Variants in BRF1 observed in about 807,000 individuals in gnomAD.
The protein encoded by BRF1 is transcription factor IIIB 90 kDa subunit.
A neutral mutation model predicts 81.7 loss-of-function variants in BRF1; 59 were observed. The ratio of observed to expected loss-of-function variants is 0.72; its 90% CI spans 0.59 to 0.90. BRF1 has a LOEUF of 0.90. BRF1 is among the 40% of genes least tolerant of loss of function. The pLI, the probability that BRF1 is intolerant of heterozygous loss-of-function variation, is 0.00. For missense variants in BRF1, 1,050 were observed against 936.3 expected, an observed-to-expected ratio of 1.12 and a Z score of -1.58; for synonymous variants, 491 against 395.6, an observed-to-expected ratio of 1.24 and a Z score of -2.86.
intron 5 of BRF1, chr14:105,242,183 AG>A (rs1489511829): frequency 3.3e-5 from 5 of 152,324 alleles, no homozygotes; most frequent in African/African-American, 1.2e-4. Context: ...TAAATGCTTG[AG>A]GTGAAAGATG....
chr14:105,249,504 C>T (rs1315023064), intron 5 of BRF1: 1 of 905,268 alleles, frequency 1.1e-6, no homozygotes, highest in Admixed American at 2.0e-5. Context: ...TGGGGAGGGA[C>T]GGGTGGGTCC....
intron 3 of BRF1, among the ~76,000 whole-genome samples, chr14:105,263,213 G>A (rs1369466347): frequency 2.1e-5 from 3 of 144,614 alleles, no homozygotes; most frequent in Non-Finnish European, 4.5e-5. Context: ...CTCCAGCCTG[G>A]GCAACAGAGT....
chr14:105,270,856 C>A (rs975449442), intron 3 of BRF1, among the ~76,000 whole-genome samples: 2 of 151,930 alleles, frequency 1.3e-5, no homozygotes, highest in African/African-American at 4.8e-5. Context: ...TGGCCAGAGG[C>A]ACCGTCAGCA....
chr14:105,220,138 G>T lies in BRF1; in HGVS notation c.1316-8C>A. 3.7e-6 allele frequency: 6 copies of T among 1,613,328 alleles called. No individual in the cohort carries two copies. The highest frequency in any genetic ancestry group is 4.2e-6 in the Non-Finnish European group (5 of 1,180,008). On this transcript the variant is annotated splice_region_variant and splice_polypyrimidine_tract_variant and intron_variant, in intron 11 of 17. Transcript: ENST00000547530. ...CGTCTCCTGAAGCATCTTCTGGAGGGAAGCACAGCATCCGCGTCACTCAGG... is the reference window on the plus strand; with the variant it reads ...CGTCTCCTGAAGCATCTTCTGGAGGTAAGCACAGCATCCGCGTCACTCAGG...
chr14:105,295,760 G>A (rs1384487682), intron 1 of BRF1, among the ~76,000 whole-genome samples: 1 of 151,662 alleles, frequency 6.6e-6, no homozygotes, highest in Non-Finnish European at 1.5e-5. Context: ...CTCCAGTCTG[G>A]GCAACAGTGA....
At chr14:105,248,894 C>T (rs1445080735) in intron 5 of BRF1, 1 of 987,914 alleles carries the variant, frequency 1.0e-6, no homozygotes. Context: ...TCTACGCTCC[C>T]GCCAGCGCCG....
Position 105,211,182 on chromosome 14 carries a change from C to A in BRF1, c.1936G>T (p.Glu646Ter). ...GGCTCCCCGTCCTCCTCGTCAGGCT[C>A]CTCCTCGTCAGCCTCCTCGTCGGCG... ...YHADEEADEE[E>*]PDEEDGEPCV... Residue 646 changes from glutamate to a stop codon, truncating the protein, a stop_gained, in exon 17 of 18, where the codon GAG becomes TAG. Transcript: ENST00000547530. LOFTEE classifies it high-confidence loss of function. 4 of 1,612,174 alleles carry A rather than the reference C, an allele frequency of 2.5e-6. No individual in the cohort carries two copies. Among genetic ancestry groups the A allele is most frequent in the Non-Finnish European group, 3.4e-6 (4 of 1,179,672 alleles).
chr14:105,223,423 T>C (rs61996215), intron 10 of BRF1, among the ~76,000 whole-genome samples: 3 of 136,682 alleles, frequency 2.2e-5, no homozygotes, highest in Non-Finnish European at 4.6e-5. Flanking sequence ...GAACAAACCA[T>C]TGATGCGTGA....
chr14:105,287,163 C>T (rs950081846), intron 1 of BRF1, among the ~76,000 whole-genome samples: 1 of 152,234 alleles, frequency 6.6e-6, no homozygotes, highest in Non-Finnish European at 1.5e-5. Context: ...CTACGACGTC[C>T]ACCACATTCT....
intron 14 of BRF1, among the ~76,000 whole-genome samples, chr14:105,218,719 G>A (rs925798609): frequency 2.0e-5 from 3 of 152,196 alleles, no homozygotes; most frequent in African/African-American, 4.8e-5. Flanking sequence ...GTCCAGCCCC[G>A]AGTCTCGACA....
At chr14:105,308,007 A>AT (rs1302063582) in intron 1 of BRF1, among the ~76,000 whole-genome samples, 1 of 151,614 alleles carries the variant, frequency 6.6e-6, no homozygotes, top group Non-Finnish European at 1.5e-5. Context: ...ACAAAGTGAG[A>AT]TCCCTGTCTC....
At chr14:105,268,030 T>G (rs2056499347) in intron 3 of BRF1, among the ~76,000 whole-genome samples, 1 of 151,994 alleles carries the variant, frequency 6.6e-6, no homozygotes, top group Admixed American at 6.5e-5. Context: ...CAGACCTACG[T>G]GGGGACAGGT....
chr14:105,258,667 C>T (rs1948027328), intron 3 of BRF1, among the ~76,000 whole-genome samples: 1 of 151,820 alleles, frequency 6.6e-6, no homozygotes, highest in African/African-American at 2.4e-5. Flanking sequence ...GGGGTGGTGG[C>T]GGGCACCTGT....
intron 1 of BRF1, among the ~76,000 whole-genome samples, chr14:105,297,789 G>A (rs1359680297): frequency 6.6e-6 from 1 of 152,002 alleles, no homozygotes; most frequent in African/African-American, 2.4e-5. Context: ...GAGGTCAGGA[G>A]ATCGAAACCA....
intron 2 of BRF1, among the ~76,000 whole-genome samples, chr14:105,281,215 T>C (rs1207133702): frequency 3.4e-4 from 42 of 124,066 alleles, no homozygotes; most frequent in Middle Eastern, 8.3e-3. Context: ...GGTGTGTGGA[T>C]ACAGCCTGCG....
Position 105,226,786 on chromosome 14 carries a change from T to G in BRF1, c.789-26A>C, listed in dbSNP as rs143740071. The G allele has an allele frequency of 1.1e-4, 180 of 1,612,832 alleles. No individual in the cohort carries two copies. In the African/African-American group the frequency reaches 2.0e-3, roughly 18 times the overall value. ...CTAAAATGGAGCCAGACATGGGAAATGGAGCTGGTGGCTCTGAAACCAGCT... is the reference window on the plus strand; with the variant it reads ...CTAAAATGGAGCCAGACATGGGAAAGGGAGCTGGTGGCTCTGAAACCAGCT... On this transcript the variant is annotated intron_variant, in intron 7 of 17. Coordinates refer to ENST00000547530, the MANE Select transcript of BRF1 (RefSeq NM_001519.4).
At chr14:105,261,123 G>A (rs1465020419) in intron 3 of BRF1, among the ~76,000 whole-genome samples, 1 of 152,252 alleles carries the variant, frequency 6.6e-6, no homozygotes, top group Non-Finnish European at 1.5e-5. Context: ...CGAAAGCCTG[G>A]ATTCTGCCAG....
At chr14:105,228,941 A>G (rs1274839969) in intron 6 of BRF1, 28 bp from the exon 7 acceptor site, 3 of 1,608,916 alleles carry the variant, frequency 1.9e-6, no homozygotes, top group East Asian at 4.5e-5. Context: ...GGGCCTCGTC[A>G]ACCACGGCTG....
chr14:105,268,546 G>C (rs2056522533), intron 3 of BRF1, among the ~76,000 whole-genome samples: 1 of 152,228 alleles, frequency 6.6e-6, no homozygotes, highest in African/African-American at 2.4e-5. Flanking sequence ...CTGAGGATCG[G>C]GCAACAATGA....
Sources: allele counts gnomAD v4.1 joint callset (sites outside exome capture counted in the v4.1 genomes callset), GRCh38; gene constraint gnomAD v4.1.1; transcripts MANE v1.5; gene names NCBI Gene and HGNC (gene_info 2026-07-23, HGNC 2026-07-21).